MRTFB: variants seen among roughly 807,000 people sequenced by gnomAD.
MRTFB encodes the protein myocardin related transcription factor B.
Under a neutral mutation model 104.2 loss-of-function variants are expected in MRTFB, and 29 were observed. The observed-to-expected ratio is 0.28, with a 90% CI of 0.21 to 0.38. The LOEUF (loss-of-function observed/expected upper bound fraction) is 0.38. Ranked by LOEUF, MRTFB falls within the 10% of genes least tolerant of loss-of-function variation. The pLI is 1.00. For missense variants in MRTFB, 1,270 were observed against 1,341.6 expected, an observed-to-expected ratio of 0.95 and a Z score of 0.83; for synonymous variants, 535 against 519.5, an observed-to-expected ratio of 1.03 and a Z score of -0.41.
chr16:14,188,063 CT>C (rs1257325796), intron 3 of MRTFB, among the ~76,000 whole-genome samples: 3 of 152,178 alleles, frequency 2.0e-5, no homozygotes, highest in African/African-American at 7.2e-5. Flanking sequence ...AAGAGTTAGA[CT>C]TGCTGGAGTT....
intron 2 of MRTFB, among the ~76,000 whole-genome samples, chr16:14,105,032 C>T (rs897268207): frequency 6.6e-5 from 10 of 151,924 alleles, no homozygotes; most frequent in African/African-American, 4.8e-5. Context: ...GATGAAAGTA[C>T]GAGGCCATCT....
At chr16:14,101,697 G>A (rs1290197338) in intron 2 of MRTFB, among the ~76,000 whole-genome samples, 1 of 151,972 alleles carries the variant, frequency 6.6e-6, no homozygotes, top group East Asian at 1.9e-4. Flanking sequence ...AAACTTGGGG[G>A]TAGAGTGAGG....
intron 3 of MRTFB, among the ~76,000 whole-genome samples, chr16:14,182,807 A>T (rs1216206576): frequency 2.0e-5 from 3 of 152,250 alleles, no homozygotes; most frequent in East Asian, 1.9e-4. Context: ...ACACTAGCCA[A>T]ATCTGGGACA....
chr16:14,196,179 G>A lies in MRTFB; in HGVS notation c.155-14064G>A, dbSNP rs530992946. 1.4e-4 allele frequency among the ~76,000 whole-genome samples: 21 copies of A among 152,284 alleles called. No homozygotes were observed. In the South Asian group the frequency reaches 4.1e-3, roughly 30 times the overall value. ...AAACATGCCCCATTTTTAGCTGTCT[G>A]TTTCCATGGCAACAGAAGCAGCAGC... is the stretch of plus-strand genomic sequence containing the variant. On this transcript the variant is annotated intron_variant, in intron 3 of 16. Coordinates refer to ENST00000571589, the MANE Select transcript of MRTFB (RefSeq NM_001308142.2).
intron 1 of MRTFB, among the ~76,000 whole-genome samples, chr16:14,076,590 C>A (rs1387885760): frequency 1.3e-5 from 2 of 152,198 alleles, no homozygotes; most frequent in African/African-American, 2.4e-5. Flanking sequence ...CTGAGACTCA[C>A]AAATGACGCT....
chr16:14,018,212 CACT>C, the MRTFB span, among the ~76,000 whole-genome samples: 1 of 152,132 alleles, frequency 6.6e-6, no homozygotes, highest in Admixed American at 6.5e-5. Context: ...TCTGGAACTG[CACT>C]GCTTGTTGTA....
intron 8 of MRTFB, among the ~76,000 whole-genome samples, chr16:14,226,748 G>A (rs9934385): frequency 0.056 from 8,493 of 152,138 alleles, 744 homozygotes; most frequent in African/African-American, 0.18. Context: ...GTCACAGCAG[G>A]AGGATCCCTT....
At chr16:14,205,756 C>T (rs1192477766) in intron 3 of MRTFB, among the ~76,000 whole-genome samples, 1 of 152,154 alleles carries the variant, frequency 6.6e-6, no homozygotes, top group African/African-American at 2.4e-5. Flanking sequence ...ATAGTTTGTA[C>T]GTGTATCCTT....
chr16:14,059,283 T>C, the MRTFB span, among the ~76,000 whole-genome samples: 1 of 152,076 alleles, frequency 6.6e-6, no homozygotes, highest in Non-Finnish European at 1.5e-5. Context: ...ATATGTTAAT[T>C]ATAGTCACCA....
intron 4 of MRTFB, among the ~76,000 whole-genome samples, chr16:14,211,261 C>G (rs997831252): frequency 6.6e-6 from 1 of 151,508 alleles, no homozygotes; most frequent in Non-Finnish European, 1.5e-5. Flanking sequence ...TGCCAGATTT[C>G]TCCACCACCA....
At chr16:14,138,927 A>G (rs1567370939) in intron 2 of MRTFB, among the ~76,000 whole-genome samples, 1 of 152,250 alleles carries the variant, frequency 6.6e-6, no homozygotes, top group Non-Finnish European at 1.5e-5. Context: ...AATAAAAATT[A>G]ACTCAAAATG....
chr16:14,002,828 A>C, the MRTFB span, among the ~76,000 whole-genome samples: 1 of 152,152 alleles, frequency 6.6e-6, no homozygotes, highest in African/African-American at 2.4e-5. Context: ...TCCTCTTTTG[A>C]TCTCGATTCT....
intron 1 of MRTFB, among the ~76,000 whole-genome samples, chr16:14,074,880 A>AT (rs751507047): frequency 5.9e-5 from 9 of 152,324 alleles, no homozygotes; most frequent in East Asian, 5.8e-4. Context: ...TATAAGAACC[A>AT]TTTTTTTGAA....
At chr16:14,037,213 G>A in the MRTFB span, among the ~76,000 whole-genome samples, 1 of 152,296 alleles carries the variant, frequency 6.6e-6, no homozygotes, top group South Asian at 2.1e-4. Flanking sequence ...CCGTAGAAGG[G>A]CAATGACAGT....
At chr16:14,180,729 A>G (rs1439082319) in intron 3 of MRTFB, among the ~76,000 whole-genome samples, 5 of 152,204 alleles carry the variant, frequency 3.3e-5, no homozygotes, top group Admixed American at 3.3e-4. Context: ...GGGACCATGC[A>G]TGGGGAAATT....
intron 2 of MRTFB, among the ~76,000 whole-genome samples, chr16:14,087,395 A>G (rs2034782300): frequency 1.3e-5 from 2 of 152,108 alleles, no homozygotes; most frequent in Non-Finnish European, 2.9e-5. Context: ...GTGTTGCGGC[A>G]TGCTGGAAAT....
At chr16:14,009,497 C>T in the MRTFB span, 1 of 152,122 alleles carries the variant, frequency 6.6e-6, no homozygotes, top group Admixed American at 6.5e-5. Context: ...ATCTGGATAC[C>T]TCTTCTTTTC....
At chr16:14,166,635 C>T (rs891211424) in intron 3 of MRTFB, among the ~76,000 whole-genome samples, 15 of 152,148 alleles carry the variant, frequency 9.9e-5, no homozygotes, top group East Asian at 1.9e-4. Context: ...CATGCATTAG[C>T]TGTCTTCCTG....
chr16:14,060,254 G>A, the MRTFB span, among the ~76,000 whole-genome samples: 6 of 151,852 alleles, frequency 4.0e-5, no homozygotes, highest in Admixed American at 1.3e-4. Flanking sequence ...TGATCTGCCC[G>A]CCTCGGCCTC....
Sources: allele counts gnomAD v4.1 joint callset (sites outside exome capture counted in the v4.1 genomes callset), GRCh38; gene constraint gnomAD v4.1.1; transcripts MANE v1.5; gene names NCBI Gene and HGNC (gene_info 2026-07-23, HGNC 2026-07-21).